Variants in ALDH3B2 observed in about 807,000 individuals in gnomAD.
ALDH3B2 encodes aldehyde dehydrogenase 3 family member B2, also known as aldehyde dehydrogenase family 3 member B2.
ALDH3B2 carries 45 observed loss-of-function variants against 36.7 expected under a neutral mutation model. The ratio of observed to expected loss-of-function variants is 1.23; its 90% CI spans 0.97 to 1.57. The LOEUF (loss-of-function observed/expected upper bound fraction) is 1.57, where lower values mean the gene tolerates loss of function less well. Ranked by LOEUF, ALDH3B2 falls within the 40% of genes most tolerant of loss-of-function variation. ALDH3B2 has a pLI of 0.00. For synonymous variants in ALDH3B2, 217 were observed against 226.5 expected (o/e 0.96, Z 0.38); for missense variants, 464 against 513.3 (o/e 0.90, Z 0.93).
intron 1 of ALDH3B2, among the ~76,000 whole-genome samples, chr11:67,670,021 T>TCCAC (rs1351738672): frequency 5.4e-4 from 15 of 27,644 alleles, no homozygotes; most frequent in African/African-American, 1.0e-3. Context: ...TGTCTGTGTG[T>TCCAC]GTATGGGTGT....
At chr11:67,665,198 C>A (rs763480134) in intron 7 of ALDH3B2, 87 bp downstream of exon 7, 12 of 1,515,130 alleles carry the variant, frequency 7.9e-6, no homozygotes, top group Non-Finnish European at 1.1e-5. Context: ...GTTTCAGGTG[C>A]GAGTCCAGAC....
chr11:67,672,482 T>C (rs1360706886), intron 1 of ALDH3B2, among the ~76,000 whole-genome samples: 3 of 151,886 alleles, frequency 2.0e-5, no homozygotes, highest in Admixed American at 6.6e-5. Flanking sequence ...CTGTCTCCTG[T>C]CTCCCTAAAG....
At chr11:67,666,057 C>A in intron 6 of ALDH3B2, 65 bp downstream of exon 6, 1 of 1,524,334 alleles carries the variant, frequency 6.6e-7, no homozygotes, top group Non-Finnish European at 9.1e-7. Flanking sequence ...CCCTCCACAA[C>A]CCTCCCACCC....
chr11:67,666,067 C>T, intron 6 of ALDH3B2, 55 bp downstream of exon 6: 1 of 1,593,780 alleles, frequency 6.3e-7, no homozygotes, highest in South Asian at 1.1e-5. Context: ...CCCTCCCACC[C>T]TCTCTCCTGA....
chr11:67,673,270 C>T (rs1338264489), intron 1 of ALDH3B2, among the ~76,000 whole-genome samples: 3 of 152,176 alleles, frequency 2.0e-5, no homozygotes, highest in Non-Finnish European at 4.4e-5. Flanking sequence ...ACACTGGGGA[C>T]CTCTGGCTGC....
intron 1 of ALDH3B2, among the ~76,000 whole-genome samples, chr11:67,670,320 C>T (rs567640596): frequency 3.4e-5 from 5 of 149,120 alleles, no homozygotes; most frequent in African/African-American, 1.2e-4. Flanking sequence ...GTGTGTGTGT[C>T]CATGTGTGTC....
chr11:67,665,418 A>C lies in ALDH3B2; in HGVS notation c.573T>G (p.Tyr191Ter). 1.2e-6 allele frequency: 2 copies of C among 1,614,012 alleles called. No individual in the cohort carries two copies. The highest frequency in any genetic ancestry group is 1.7e-6 in the Non-Finnish European group (2 of 1,179,952). ...TTGGGGAGCTCTGGGGGTCGTCGCCATAGAAACGGGTGATGGTGCTCTGCA... is the reference window on the plus strand; with the variant it reads ...TTGGGGAGCTCTGGGGGTCGTCGCCCTAGAAACGGGTGATGGTGCTCTGCA... The change falls in exon 7 of 10, where the codon TAT becomes TAG. Residue 191 changes from tyrosine (Y) to a stop codon, truncating the protein, a stop_gained. Coordinates refer to ENST00000349015, the Ensembl canonical transcript of ALDH3B2. LOFTEE classifies it high-confidence loss of function.
intron 4 of ALDH3B2, 83 bp downstream of exon 4, chr11:67,666,491 G>GTA (rs1855917391): frequency 6.2e-7 from 1 of 1,605,466 alleles, no homozygotes; most frequent in Admixed American, 1.7e-5. Flanking sequence ...GAGGCCCAGG[G>GTA]TACCTCAGAG....
At chr11:67,663,136 C>A (rs1459872600) in exon 10 of ALDH3B2, 2 of 1,477,834 alleles carry the variant, frequency 1.4e-6, no homozygotes, top group African/African-American at 1.4e-5. Context: ...TCTGGAGGAA[C>A]AATGTGAGTT....
Position 67,664,381 on chromosome 11 carries a change from C to T in ALDH3B2, c.873+15G>A, listed in dbSNP as rs182488911. 70 of 1,613,864 alleles carry T rather than the reference C, an allele frequency of 4.3e-5. No homozygotes were observed. Among genetic ancestry groups the T allele is most frequent in the African/African-American group, 1.9e-4 (14 of 75,046 alleles). On this transcript the variant is annotated intron_variant, in intron 8 of 9. Coordinates refer to ENST00000349015, the Ensembl canonical transcript of ALDH3B2. ...TTCAGCCCCTCCATTGCCCCCAACC[C>T]GGCCGCACCCCCACCTGGCTGCTGT...
At chr11:67,671,364 C>T (rs1308185534) in intron 1 of ALDH3B2, 1 of 152,282 alleles carries the variant, frequency 6.6e-6, no homozygotes, top group Non-Finnish European at 1.5e-5. Flanking sequence ...GGAGCTGGAC[C>T]CAAGCCCTGC....
At chr11:67,663,854 C>T in intron 8 of ALDH3B2, 93 bp from the exon 9 acceptor site, 1 of 1,032,750 alleles carries the variant, frequency 9.7e-7, no homozygotes, top group South Asian at 1.6e-5. Context: ...GCCTCATCCT[C>T]ACCTGCCCCT....
At chr11:67,664,504 G>T (rs373783723) in exon 8 of ALDH3B2, 8 of 1,614,038 alleles carry the variant, frequency 5.0e-6, no homozygotes, top group Non-Finnish European at 5.9e-6. Context: ...GGATGGGCCC[G>T]AAGATCTCCT....
At chr11:67,669,328 A>C (rs1332811990) in intron 1 of ALDH3B2, among the ~76,000 whole-genome samples, 4 of 117,706 alleles carry the variant, frequency 3.4e-5, no homozygotes, top group Non-Finnish European at 6.8e-5. Context: ...GTGTCTGTGT[A>C]TGTATCAGTG....
At position 67,666,339 on chromosome 11, in the gene ALDH3B2, C is replaced by T. The variant is rs1200126598; in HGVS notation, c.214G>A (p.Val72Met). ...ACCTGGTCCAGGTACTGGGGCAGCACCTCAGCCAGGACCTTCTCTGTGCCC... is the reference window on the plus strand; with the variant it reads ...ACCTGGTCCAGGTACTGGGGCAGCATCTCAGCCAGGACCTTCTCTGTGCCC... The change falls in exon 5 of 10, where the codon GTG becomes ATG. Residue 72 changes from valine (V) to methionine (M), a missense_variant. Val to Met is a conservative substitution (Grantham distance 21, BLOSUM62 1). Coordinates refer to ENST00000349015, the Ensembl canonical transcript of ALDH3B2. 18 of 1,606,418 alleles carry T rather than the reference C, an allele frequency of 1.1e-5. 2 individuals carry two copies. In the South Asian group the frequency reaches 2.0e-4, roughly 18 times the overall value.
At chr11:67,678,001 T>C (rs752015605), upstream of ALDH3B2, among the ~76,000 whole-genome samples, 13 of 152,344 alleles carry the variant, frequency 8.5e-5, no homozygotes, top group Non-Finnish European at 1.5e-4. Context: ...CCCATGCTCA[T>C]GGATGGGTAG....
exon 10 of ALDH3B2, chr11:67,662,962 T>G: frequency 7.1e-5 from 35 of 496,360 alleles, no homozygotes; most frequent in Non-Finnish European, 8.9e-5. Context: ...AGGGCTGGAA[T>G]TGGGGAGGGT....
chr11:67,671,749 T>C (rs1365854220), intron 1 of ALDH3B2, among the ~76,000 whole-genome samples: 1 of 151,652 alleles, frequency 6.6e-6, no homozygotes, highest in Non-Finnish European at 1.5e-5. Context: ...TTTCTCCATG[T>C]TGAGGCTGGT....
At chr11:67,666,279 G>A in intron 5 of ALDH3B2, 37 bp downstream of exon 5, 1 of 1,611,706 alleles carries the variant, frequency 6.2e-7, no homozygotes, top group Non-Finnish European at 8.5e-7. Flanking sequence ...GTGATATATG[G>A]GGACGTCGGG....
Sources: gnomAD v4.1 joint callset for allele counts (sites outside exome capture counted in the v4.1 genomes callset) on GRCh38, gnomAD v4.1.1 for gene constraint, MANE v1.5 for transcripts, NCBI Gene and HGNC (gene_info 2026-07-23, HGNC 2026-07-21) for gene names.